Variants in KCND2 observed in about 807,000 individuals in gnomAD.
KCND2 encodes the protein potassium voltage-gated channel subfamily D member 2, also known as A-type voltage-gated potassium channel KCND2.
KCND2 carries 16 observed loss-of-function variants against 54.4 expected under a neutral mutation model. The observed-to-expected ratio is 0.29, with a 90% CI of 0.20 to 0.45. The LOEUF is 0.45. Ranked by LOEUF, KCND2 falls within the 20% of genes least tolerant of loss-of-function variation. The pLI is 1.00. For missense variants in KCND2, 486 were observed against 824.2 expected (o/e 0.59, Z 5.02); for synonymous variants, 317 against 310.7 (o/e 1.02, Z -0.21).
intron 1 of KCND2, among the ~76,000 whole-genome samples, chr7:120,361,845 A>T (rs1276852500): frequency 6.6e-6 from 1 of 152,108 alleles, no homozygotes; most frequent in Non-Finnish European, 1.5e-5. Flanking sequence ...GTAAAGCTAA[A>T]TATTTAATTA....
At chr7:120,317,277 AC>A (rs1292809885) in intron 1 of KCND2, among the ~76,000 whole-genome samples, 3 of 152,188 alleles carry the variant, frequency 2.0e-5, no homozygotes, top group East Asian at 1.9e-4. Flanking sequence ...TCTGAAAAAA[AC>A]ATCAAAATGA....
At chr7:120,692,908 C>T (rs1168768251) in intron 1 of KCND2, among the ~76,000 whole-genome samples, 1 of 152,140 alleles carries the variant, frequency 6.6e-6, no homozygotes, top group Non-Finnish European at 1.5e-5. Context: ...TTCTGAACAA[C>T]CCACTGTTTT....
At chr7:120,317,123 C>G (rs1228092372) in intron 1 of KCND2, among the ~76,000 whole-genome samples, 1 of 152,102 alleles carries the variant, frequency 6.6e-6, no homozygotes, top group East Asian at 1.9e-4. Context: ...GTGTGAGCCA[C>G]CACGCCGGGC....
intron 1 of KCND2, among the ~76,000 whole-genome samples, chr7:120,712,130 CTTTTTTT>C (rs11296028): frequency 4.2e-5 from 5 of 120,320 alleles, no homozygotes; most frequent in Non-Finnish European, 7.0e-5. Flanking sequence ...AATAAGAAAG[CTTTTTTT>C]TTTTTTTTGT....
chr7:120,651,671 G>A (rs1052512792), intron 1 of KCND2, among the ~76,000 whole-genome samples: 9 of 152,194 alleles, frequency 5.9e-5, no homozygotes. Flanking sequence ...TGGTATCTCG[G>A]TTGGAAATGC....
intron 1 of KCND2, among the ~76,000 whole-genome samples, chr7:120,493,999 A>G (rs1448315048): frequency 6.6e-6 from 1 of 152,172 alleles, no homozygotes; most frequent in Non-Finnish European, 1.5e-5. Flanking sequence ...AAAATGGTAA[A>G]GTCATAAATA....
At chr7:120,377,285 A>C (rs1049822848) in intron 1 of KCND2, among the ~76,000 whole-genome samples, 9 of 151,992 alleles carry the variant, frequency 5.9e-5, no homozygotes, top group African/African-American at 2.2e-4. Flanking sequence ...TCAAGTATTT[A>C]TCTTAGAATA....
At chr7:120,493,611 A>T (rs1802813096) in intron 1 of KCND2, among the ~76,000 whole-genome samples, 1 of 152,142 alleles carries the variant, frequency 6.6e-6, no homozygotes, top group Non-Finnish European at 1.5e-5. Flanking sequence ...AGAAACCTAT[A>T]AAATGATGCT....
intron 1 of KCND2, among the ~76,000 whole-genome samples, chr7:120,727,873 C>A (rs1173288196): frequency 2.0e-5 from 3 of 151,904 alleles, no homozygotes; most frequent in African/African-American, 7.3e-5. Flanking sequence ...CGGTGGCTCA[C>A]GCTTGTAATC....
At chr7:120,480,692 G>C (rs1035796941) in intron 1 of KCND2, among the ~76,000 whole-genome samples, 1 of 152,060 alleles carries the variant, frequency 6.6e-6, no homozygotes, top group African/African-American at 2.4e-5. Flanking sequence ...TTCCACCATG[G>C]GATGACTCTT....
chr7:120,387,144 T>G (rs1584757393), intron 1 of KCND2, among the ~76,000 whole-genome samples: 1 of 152,056 alleles, frequency 6.6e-6, no homozygotes, highest in African/African-American at 2.4e-5. Flanking sequence ...ACCACTAAAT[T>G]CCCAGCAGCT....
chr7:120,554,469 C>A (rs965957795), intron 1 of KCND2, among the ~76,000 whole-genome samples: 28 of 151,600 alleles, frequency 1.8e-4, no homozygotes, highest in Non-Finnish European at 3.7e-4. Flanking sequence ...AGTACAGTGG[C>A]GCGATCTCAG....
chr7:120,589,880 G>A (rs1052796023), intron 1 of KCND2, among the ~76,000 whole-genome samples: 4 of 152,192 alleles, frequency 2.6e-5, no homozygotes, highest in African/African-American at 9.7e-5. Context: ...GTTGGAACAT[G>A]TAAATGCTCA....
intron 1 of KCND2, among the ~76,000 whole-genome samples, chr7:120,559,252 A>G (rs1239546423): frequency 6.6e-6 from 1 of 152,220 alleles, no homozygotes; most frequent in African/African-American, 2.4e-5. Context: ...AATGACTTTC[A>G]TGGTGATAAC....
chr7:120,336,559 A>G (rs899236037), intron 1 of KCND2, among the ~76,000 whole-genome samples: 4 of 152,174 alleles, frequency 2.6e-5, no homozygotes, highest in African/African-American at 9.6e-5. Flanking sequence ...TATTTATTTT[A>G]TAAATGGATA....
intron 5 of KCND2, 103 bp downstream of exon 5, chr7:120,746,130 C>T (rs1793003191): frequency 2.2e-6 from 3 of 1,374,374 alleles, no homozygotes; most frequent in Admixed American, 1.8e-5. Context: ...TCCCTAGCTC[C>T]TATGGTTCAG....
chr7:120,654,344 G>T (rs1187801978), intron 1 of KCND2, among the ~76,000 whole-genome samples: 1 of 152,180 alleles, frequency 6.6e-6, no homozygotes, highest in Non-Finnish European at 1.5e-5. Flanking sequence ...TTGTGAATAT[G>T]AGGAGTAATA....
At chr7:120,494,531 C>G (rs541709780) in intron 1 of KCND2, among the ~76,000 whole-genome samples, 2 of 152,214 alleles carry the variant, frequency 1.3e-5, no homozygotes, top group Admixed American at 1.3e-4. Context: ...TATAGAAAGT[C>G]ATATCATGTC....
At chr7:120,550,559 T>C (rs574842627) in intron 1 of KCND2, among the ~76,000 whole-genome samples, 1 of 152,310 alleles carries the variant, frequency 6.6e-6, no homozygotes, top group South Asian at 2.1e-4. Flanking sequence ...TGCTTGATGT[T>C]ATTTGATTCC....
Sources: allele counts gnomAD v4.1 joint callset (sites outside exome capture counted in the v4.1 genomes callset), GRCh38; gene constraint gnomAD v4.1.1; transcripts MANE v1.5; gene names NCBI Gene and HGNC (gene_info 2026-07-23, HGNC 2026-07-21).